The following MEPE variants were observed in gnomAD, a reference collection of about 807,000 sequenced individuals.
The protein encoded by MEPE is matrix, extracellular phosphoglycoprotein with ASARM motif (bone).
In MEPE, 7 loss-of-function variants were observed where a neutral mutation model predicts 7.3. The ratio of observed to expected loss-of-function variants is 0.95; its 90% CI spans 0.54 to 1.79. The LOEUF is 1.79. MEPE is among the 40% of genes most tolerant of loss of function. The pLI, the probability that MEPE is intolerant of heterozygous loss-of-function variation, is 0.00. For missense variants in MEPE, 623 were observed against 628.2 expected (o/e 0.99, Z 0.09); for synonymous variants, 214 against 213.1 (o/e 1.00, Z -0.04).
rs1560533427 is a variant in MEPE, at chr4:87,826,410, TG to T, written c.-13+4940del. Among the ~76,000 whole-genome samples, 43 of 151,874 alleles carry T rather than the reference TG, an allele frequency of 2.8e-4. No homozygotes were observed. The South Asian group carries it at 8.6e-3, about 30-fold the overall frequency. ...TTTTTTTGTTTTTGTTTTTTGTTTTTGTTTTTTTTTGCTAGAGATGGGGTTT... is the reference window on the plus strand; with the variant it reads ...TTTTTTTGTTTTTGTTTTTTGTTTTTTTTTTTTTTGCTAGAGATGGGGTTT... On this transcript the variant is annotated intron_variant, in intron 1 of 3. Coordinates refer to the MEPE transcript ENST00000424957.
At chr4:87,826,917 A>G (rs997741404) in intron 1 of MEPE, among the ~76,000 whole-genome samples, 1 of 152,158 alleles carries the variant, frequency 6.6e-6, no homozygotes, top group African/African-American at 2.4e-5. Context: ...TCAGATGGAT[A>G]GATTGCAAAC....
At position 87,845,719 on chromosome 4, in the gene MEPE, G is replaced by T. The variant is rs765908926; in HGVS notation, c.851G>T (p.Gly284Val). The change falls in exon 4 of 4, where the codon GGG becomes GTG. Residue 284 changes from glycine (G) to valine (V), a missense_variant. By Grantham distance (109) the Gly-to-Val change is moderately radical. Transcript: ENST00000361056. ...PDLEGKDIQTGFAGPSEAEST... is the reference protein window; with the variant it reads ...PDLEGKDIQTVFAGPSEAEST... ...CTAGAAGGCAAAGATATTCAAACAG[G>T]GTTTGCAGGCCCAAGTGAAGCTGAG... 9 of 1,613,836 alleles carry T rather than the reference G, an allele frequency of 5.6e-6. No homozygotes were observed. In the Admixed American group the frequency reaches 8.3e-5, roughly 15 times the overall value.
chr4:87,846,073 A>G lies in MEPE; in HGVS notation c.1205A>G (p.Asn402Ser). The change falls in exon 4 of 4, where the codon AAT becomes AGT. Residue 402 changes from asparagine to serine, a missense_variant. Coordinates refer to ENST00000361056, the MANE Select transcript of MEPE (RefSeq NM_020203.6). ...ESTNYNEIPKNGKGSTRKGVD... is the reference protein window; with the variant it reads ...ESTNYNEIPKSGKGSTRKGVD... ...ACCAACTATAATGAAATTCCTAAAA[A>G]TGGCAAAGGCAGTACCAGAAAGGGT... The G allele has an allele frequency of 6.2e-7, 1 of 1,614,078 alleles. No homozygotes were observed. The highest frequency in any genetic ancestry group is 8.5e-7 in the Non-Finnish European group (1 of 1,179,958).
Position 87,845,727 on chromosome 4 carries a change from G to A in MEPE, c.859G>A (p.Gly287Ser). The A allele has an allele frequency of 1.2e-6, 2 of 1,613,822 alleles. No homozygotes were observed. Among genetic ancestry groups the A allele is most frequent in the Non-Finnish European group, 1.7e-6 (2 of 1,179,876 alleles). ...CAAAGATATTCAAACAGGGTTTGCA[G>A]GCCCAAGTGAAGCTGAGAGTACTCA... is the stretch of plus-strand genomic sequence containing the variant. Reference protein sequence around the residue: ...EGKDIQTGFAGPSEAESTHLD... With the variant: ...EGKDIQTGFASPSEAESTHLD... Residue 287 changes from glycine (G) to serine (S), a missense_variant, in exon 4 of 4, where the codon GGC becomes AGC. Transcript: ENST00000361056.
rs924772292 is a variant in MEPE, at chr4:87,838,508, A to C, written c.55-124A>C. On this transcript the variant is annotated intron_variant, in intron 2 of 3. Transcript: ENST00000361056. Reference sequence around the variant, plus strand: ...TGAGTGTGTCAATCTTCTTTTGGTTAGAATGATTTTCCACAGTGAATAATA... The same window carrying C: ...TGAGTGTGTCAATCTTCTTTTGGTTCGAATGATTTTCCACAGTGAATAATA... 5.0e-6 allele frequency: 4 copies of C among 792,436 alleles called. No individual in the cohort carries two copies. In the African/African-American group the frequency reaches 6.9e-5, roughly 14 times the overall value. 49.1% of individuals were successfully genotyped at this position (792,436 alleles called of 1,614,324 possible).
intron 2 of MEPE, 45 bp downstream of exon 2, chr4:87,834,813 C>G (rs1480121694): frequency 5.2e-6 from 8 of 1,531,548 alleles, no homozygotes; most frequent in Non-Finnish European, 7.2e-6. Context: ...ATCTCTTGCT[C>G]TCTTCATTTG....
intron 1 of MEPE, among the ~76,000 whole-genome samples, chr4:87,826,617 AG>A (rs887937605): frequency 1.3e-5 from 2 of 152,238 alleles, no homozygotes; most frequent in Admixed American, 1.3e-4. Context: ...ACAGTGTAAA[AG>A]CATTCCTTTT....
chr4:87,845,787 C>A lies in MEPE; in HGVS notation c.919C>A (p.Pro307Thr). The A allele has an allele frequency of 6.2e-7, 1 of 1,613,826 alleles. No individual in the cohort carries two copies. Among genetic ancestry groups the A allele is most frequent in the African/African-American group, 1.3e-5 (1 of 74,958 alleles). The part of the protein sequence containing the change: ...DTKKPGYNEI[P>T]EREENGGNTI... ...AAAAAAGCCAGGTTATAATGAGATC[C>A]CAGAGAGAGAAGAAAATGGTGGAAA... The change falls in exon 4 of 4, where the codon CCA becomes ACA. Residue 307 changes from proline (P) to threonine (T), a missense_variant. Transcript: ENST00000361056.
chr4:87,830,565 T>C (rs1317629633), upstream of MEPE, among the ~76,000 whole-genome samples: 4 of 151,910 alleles, frequency 2.6e-5, no homozygotes, highest in Admixed American at 6.6e-5. Context: ...ACAACAGACA[T>C]TGGGGTCTAC....
upstream of MEPE, among the ~76,000 whole-genome samples, chr4:87,829,213 A>ATT (rs368539610): frequency 1.5e-3 from 224 of 149,752 alleles, 2 homozygotes; most frequent in African/African-American, 5.1e-3. Context: ...ATAGGCTCTC[A>ATT]TTTTTTTTTG....
At chr4:87,824,007 G>A (rs1015931578) in intron 1 of MEPE, among the ~76,000 whole-genome samples, 3 of 152,164 alleles carry the variant, frequency 2.0e-5, no homozygotes, top group Non-Finnish European at 4.4e-5. Flanking sequence ...TTACATCCTG[G>A]TCTTTCTCAG....
intron 1 of MEPE, among the ~76,000 whole-genome samples, chr4:87,826,755 T>C (rs971073849): frequency 4.6e-5 from 7 of 152,176 alleles, no homozygotes; most frequent in Non-Finnish European, 8.8e-5. Context: ...GATGTTGAGC[T>C]TTTTTTCACG....
At chr4:87,836,678 T>C (rs1181261142) in intron 2 of MEPE, among the ~76,000 whole-genome samples, 1 of 152,194 alleles carries the variant, frequency 6.6e-6, no homozygotes, top group African/African-American at 2.4e-5. Context: ...TAATATAAAG[T>C]TTAGGAACAT....
chr4:87,829,865 C>CTT (rs3037623), upstream of MEPE, among the ~76,000 whole-genome samples: 1,674 of 111,796 alleles, frequency 0.015, 40 homozygotes, highest in African/African-American at 0.037. Flanking sequence ...CACCCAAATC[C>CTT]TTTTTTTTTT....
chr4:87,824,617 T>C (rs1054767707), intron 1 of MEPE, among the ~76,000 whole-genome samples: 1 of 152,242 alleles, frequency 6.6e-6, no homozygotes, highest in African/African-American at 2.4e-5. Context: ...AGTTCACTGA[T>C]CCCCTTTTAG....
intron 1 of MEPE, among the ~76,000 whole-genome samples, chr4:87,833,967 T>C (rs1455091899): frequency 6.6e-6 from 1 of 152,196 alleles, no homozygotes; most frequent in Non-Finnish European, 1.5e-5. Context: ...TAATCCCAGT[T>C]CTGCCCCTTA....
At chr4:87,836,948 T>C (rs565801211) in intron 2 of MEPE, among the ~76,000 whole-genome samples, 6 of 152,238 alleles carry the variant, frequency 3.9e-5, no homozygotes, top group Non-Finnish European at 8.8e-5. Context: ...ATTGATAAAC[T>C]ATTGTTATTT....
At chr4:87,836,506 T>A in intron 2 of MEPE, among the ~76,000 whole-genome samples, 1 of 152,194 alleles carries the variant, frequency 6.6e-6, no homozygotes, top group East Asian at 1.9e-4. Context: ...CTCATTTTTA[T>A]GCTTTCTTCT....
chr4:87,823,293 C>T (rs1261943218), intron 1 of MEPE, among the ~76,000 whole-genome samples: 2 of 152,146 alleles, frequency 1.3e-5, no homozygotes, highest in African/African-American at 4.8e-5. Flanking sequence ...CAGGATCACC[C>T]TGTATTTTGT....
Sources: allele counts gnomAD v4.1 joint callset (sites outside exome capture counted in the v4.1 genomes callset), GRCh38; gene constraint gnomAD v4.1.1; transcripts MANE v1.5; gene names NCBI Gene and HGNC (gene_info 2026-07-23, HGNC 2026-07-21).